GEMIN2: variants seen among roughly 807,000 people sequenced by gnomAD.
GEMIN2 encodes gem nuclear organelle associated protein 2.
In GEMIN2, 37 loss-of-function variants were observed where a neutral mutation model predicts 45.8. That is an observed-to-expected ratio of 0.81 (90% CI 0.62 to 1.06). GEMIN2 has a LOEUF of 1.06. GEMIN2 is among the 50% of genes least tolerant of loss of function. The pLI is 0.00. For synonymous variants in GEMIN2, 101 were observed against 111.5 expected (o/e 0.91, Z 0.60); for missense variants, 335 against 321.8 (o/e 1.04, Z -0.31).
chr14:39,114,582 C>G, intron 1 of GEMIN2, 107 bp downstream of exon 1: 1 of 833,546 alleles, frequency 1.2e-6, no homozygotes, highest in Non-Finnish European at 1.9e-6. Flanking sequence ...CAGGTCTATT[C>G]AGGATTCTGG....
chr14:39,124,161 A>G (rs924327049), intron 5 of GEMIN2, among the ~76,000 whole-genome samples: 2 of 152,180 alleles, frequency 1.3e-5, no homozygotes, highest in African/African-American at 4.8e-5. Flanking sequence ...CGTTTAATGT[A>G]TATCCTCTTA....
chr14:39,136,302 C>T (rs1594524216), intron 9 of GEMIN2, 138 bp from the exon 10 acceptor site: 18 of 582,432 alleles, frequency 3.1e-5, no homozygotes, highest in Non-Finnish European at 3.1e-6. Flanking sequence ...TCATAATTTT[C>T]CACTATGTAG....
At chr14:39,114,950 C>A (rs1315661962) in intron 2 of GEMIN2, 37 bp downstream of exon 2, 1 of 933,788 alleles carries the variant, frequency 1.1e-6, no homozygotes, top group South Asian at 1.3e-5. Flanking sequence ...TACCCCCAAC[C>A]CCCCAATTAA....
intron 6 of GEMIN2, among the ~76,000 whole-genome samples, chr14:39,126,184 C>CTTTTT: frequency 7.3e-6 from 1 of 136,760 alleles, no homozygotes; most frequent in South Asian, 2.3e-4. Context: ...CTTTGGAAGC[C>CTTTTT]TTTTTTTTTT....
chr14:39,114,986 CT>C, intron 2 of GEMIN2, 73 bp downstream of exon 2: 2 of 756,116 alleles, frequency 2.6e-6, no homozygotes, highest in Non-Finnish European at 4.8e-6. Flanking sequence ...CCTATAGTAT[CT>C]GACAGCATCA....
At chr14:39,121,546 T>G (rs1046511530) in intron 4 of GEMIN2, among the ~76,000 whole-genome samples, 6 of 152,156 alleles carry the variant, frequency 3.9e-5, no homozygotes, top group African/African-American at 1.4e-4. Context: ...AATGTAATAA[T>G]AAGGAAAAAC....
intron 3 of GEMIN2, among the ~76,000 whole-genome samples, 194 bp from the exon 4 acceptor site, chr14:39,118,346 G>A (rs764928594): frequency 1.8e-4 from 28 of 152,222 alleles, no homozygotes; most frequent in Non-Finnish European, 2.6e-4. Flanking sequence ...TTCTTTAGTG[G>A]TGATTTCTGA....
chr14:39,128,286 G>T lies in GEMIN2; in HGVS notation c.538G>T (p.Val180Leu). 1 of 1,535,532 alleles carries T rather than the reference G, an allele frequency of 6.5e-7. No homozygotes were observed. Among genetic ancestry groups the T allele is most frequent in the Non-Finnish European group, 8.9e-7 (1 of 1,121,602 alleles). ...SIVSRMNQAT[V>L]TSVLEYLSNW... ...CCCCTCTTTTTTTTTTTAGGCAACA[G>T]TAACTAGTGTCTTGGAATATCTGAG... is the stretch of plus-strand genomic sequence containing the variant. The change falls in exon 7 of 10, where the codon GTA becomes TTA. Residue 180 changes from valine to leucine, a missense_variant. Coordinates refer to ENST00000308317, the MANE Select transcript of GEMIN2 (RefSeq NM_003616.3).
intron 4 of GEMIN2, among the ~76,000 whole-genome samples, chr14:39,121,662 T>C (rs777093355): frequency 1.3e-5 from 2 of 152,198 alleles, no homozygotes; most frequent in Non-Finnish European, 2.9e-5. Context: ...TTCTCAGTCT[T>C]GAAGGCTGAA....
intron 4 of GEMIN2, 126 bp downstream of exon 4, chr14:39,118,725 T>G (rs900332667): frequency 2.8e-5 from 14 of 504,494 alleles, no homozygotes; most frequent in African/African-American, 2.5e-4. Flanking sequence ...AATATACCAT[T>G]AATAGTAACA....
chr14:39,126,204 G>C (rs1594515431), intron 6 of GEMIN2, among the ~76,000 whole-genome samples: 1 of 145,668 alleles, frequency 6.9e-6, no homozygotes, highest in East Asian at 2.0e-4. Context: ...TTTTTTGGCA[G>C]GGTCTCATTC....
chr14:39,118,273 ATTTG>A lies in GEMIN2; in HGVS notation c.312+193_312+196del, dbSNP rs765624706. Among the ~76,000 whole-genome samples, 4 of 152,060 alleles carry A rather than the reference ATTTG, an allele frequency of 2.6e-5. 1 individual carries two copies. In the South Asian group the frequency reaches 6.2e-4, roughly 24 times the overall value. On this transcript the variant is annotated intron_variant, in intron 3 of 9. Coordinates refer to ENST00000308317, the MANE Select transcript of GEMIN2 (RefSeq NM_003616.3). ...TATTTTCTAAGTTTTGTTTATTTTT[ATTTG>A]TTTGTTTATTTATTTCAATAGTTTT...
In GEMIN2 at chr14:39,118,604, G is replaced by A; in HGVS notation, c.372+5G>A. On this transcript the variant is annotated splice_donor_5th_base_variant and intron_variant, in intron 4 of 9. Coordinates refer to ENST00000308317, the MANE Select transcript of GEMIN2 (RefSeq NM_003616.3). ...TTGGATAGTAATGTGACAATGGTAT[G>A]TAAGTTTCTCAGTTTTAAGATGTAC... is the stretch of plus-strand genomic sequence containing the variant. The A allele has an allele frequency of 7.5e-7, 1 of 1,341,872 alleles. No individual in the cohort carries two copies. The highest frequency in any genetic ancestry group is 1.1e-6 in the Non-Finnish European group (1 of 932,204). 83.1% of individuals were successfully genotyped at this position (1,341,872 alleles called of 1,614,324 possible). A position where few individuals can be genotyped will look rare whatever the true frequency, so the allele number is the denominator to read the frequency against.
At chr14:39,117,265 C>G (rs1418967482) in intron 2 of GEMIN2, among the ~76,000 whole-genome samples, 1 of 82,020 alleles carries the variant, frequency 1.2e-5, no homozygotes, top group Admixed American at 1.4e-4. Flanking sequence ...AGCGAAACTC[C>G]GTCTCAAAAA....
intron 4 of GEMIN2, among the ~76,000 whole-genome samples, chr14:39,120,743 T>G (rs2052563925): frequency 6.6e-6 from 1 of 152,204 alleles, no homozygotes. Flanking sequence ...TTCTCCTGCC[T>G]CAGCCTCCCA....
At chr14:39,134,823 G>A (rs551003822) in intron 9 of GEMIN2, among the ~76,000 whole-genome samples, 95 of 152,178 alleles carry the variant, frequency 6.2e-4, no homozygotes, top group African/African-American at 2.1e-3. Flanking sequence ...CTTTGACTCC[G>A]GAGCTAAACT....
rs1166536240 is a variant in GEMIN2, at chr14:39,118,600, G to T, written c.372+1G>T. ...ACAGTTGGATAGTAATGTGACAATG[G>T]TATGTAAGTTTCTCAGTTTTAAGAT... On this transcript the variant is annotated splice_donor_variant, in intron 4 of 9. Transcript: ENST00000308317. LOFTEE classifies it high-confidence loss of function. 2 of 1,359,654 alleles carry T rather than the reference G, an allele frequency of 1.5e-6. No homozygotes were observed. The allele number at this position is 1,359,654 out of a possible 1,614,324, so 84.2% of individuals were successfully genotyped here.
In GEMIN2 at chr14:39,122,424, T is replaced by G. The variant is rs377634551; in HGVS notation, c.373-6T>G. On this transcript the variant is annotated splice_region_variant and splice_polypyrimidine_tract_variant and intron_variant, in intron 4 of 9. Coordinates refer to ENST00000308317, the MANE Select transcript of GEMIN2 (RefSeq NM_003616.3). ...GAATAAATCAGTTTTTTTTTTTTTC[T>G]TTTAGCCAAAATCTGAAGATGAAGA... is the stretch of plus-strand genomic sequence containing the variant. 3 of 1,443,674 alleles carry G rather than the reference T, an allele frequency of 2.1e-6. No individual in the cohort carries two copies. The highest frequency in any genetic ancestry group is 2.9e-6 in the Non-Finnish European group (3 of 1,039,134). The allele number at this position is 1,443,674 out of a possible 1,614,324, so 89.4% of individuals were successfully genotyped here.
chr14:39,119,998 T>C (rs1046840549), intron 4 of GEMIN2, among the ~76,000 whole-genome samples: 5 of 152,180 alleles, frequency 3.3e-5, no homozygotes, highest in African/African-American at 7.2e-5. Flanking sequence ...GGGACAGGGC[T>C]AGGTAGGTAA....
Sources: gnomAD v4.1 joint callset for allele counts (sites outside exome capture counted in the v4.1 genomes callset) on GRCh38, gnomAD v4.1.1 for gene constraint, MANE v1.5 for transcripts, NCBI Gene and HGNC (gene_info 2026-07-23, HGNC 2026-07-21) for gene names.